The following NR2F1-AS1 variants were observed in gnomAD, a reference collection of about 807,000 sequenced individuals.
NR2F1-AS1 encodes NR2F1 regulatory antisense RNA 1.
intron 4 of NR2F1-AS1, chr5:93,543,329 T>A (rs992967313): frequency 1.3e-5 from 2 of 152,156 alleles, no homozygotes; most frequent in African/African-American, 4.8e-5. Context: ...ATTATAAAAC[T>A]ACACTTGCGT....
At chr5:93,498,319 T>C (rs1464568528) in intron 4 of NR2F1-AS1, among the ~76,000 whole-genome samples, 2 of 152,122 alleles carry the variant, frequency 1.3e-5, no homozygotes, top group Non-Finnish European at 2.9e-5. Context: ...TTGCCTTGTT[T>C]TTTCCTCTAG....
At chr5:93,524,735 G>C (rs1751575379) in intron 4 of NR2F1-AS1, among the ~76,000 whole-genome samples, 1 of 152,128 alleles carries the variant, frequency 6.6e-6, no homozygotes, top group Non-Finnish European at 1.5e-5. Flanking sequence ...TTTCAACCCA[G>C]AATTTCACAT....
At position 93,577,302 on chromosome 5, in the gene NR2F1-AS1, G is replaced by A. The variant is rs140868160; in HGVS notation, n.313+3165C>T. Among the ~76,000 whole-genome samples the A allele has an allele frequency of 5.1e-4, 78 of 152,320 alleles. 1 individual carries two copies. The East Asian group carries it at 0.013, about 26-fold the overall frequency. ...TACAGCACTTATCTCTGAGCATTTC[G>A]ACCCAAAGGTGACAAAGAAGAAATG... On this transcript the variant is annotated intron_variant and non_coding_transcript_variant, in intron 1 of 5. Transcript: ENST00000660523.
intron 4 of NR2F1-AS1, among the ~76,000 whole-genome samples, chr5:93,448,475 C>T (rs1749763330): frequency 6.6e-6 from 1 of 152,172 alleles, no homozygotes; most frequent in Admixed American, 6.5e-5. Context: ...TGTCTAGCCT[C>T]AATTGTGAGT....
At chr5:93,511,803 T>G (rs1168704121) in intron 4 of NR2F1-AS1, among the ~76,000 whole-genome samples, 1 of 152,128 alleles carries the variant, frequency 6.6e-6, no homozygotes, top group South Asian at 2.1e-4. Context: ...GAACTATGCA[T>G]GCGAGGGATC....
chr5:93,414,882 A>T (rs191330031), intron 4 of NR2F1-AS1, among the ~76,000 whole-genome samples: 1 of 152,200 alleles, frequency 6.6e-6, no homozygotes, highest in South Asian at 2.1e-4. Flanking sequence ...GCAACATGCT[A>T]CTGTGTAAGG....
chr5:93,461,640 A>G (rs1456043941), intron 4 of NR2F1-AS1, among the ~76,000 whole-genome samples: 1 of 152,202 alleles, frequency 6.6e-6, no homozygotes, highest in African/African-American at 2.4e-5. Context: ...CTGCTGTATT[A>G]CCTTCAAAGC....
At chr5:93,569,669 A>T (rs1047942895) in intron 1 of NR2F1-AS1, among the ~76,000 whole-genome samples, 37 of 152,208 alleles carry the variant, frequency 2.4e-4, no homozygotes, top group Non-Finnish European at 4.4e-5. Context: ...GCACTATAAA[A>T]GTTTCCACAG....
chr5:93,552,753 G>C (rs973246513), intron 4 of NR2F1-AS1, among the ~76,000 whole-genome samples: 1 of 150,530 alleles, frequency 6.6e-6, no homozygotes, highest in African/African-American at 2.4e-5. Context: ...GATAACTCAA[G>C]TGAAAGCAAC....
chr5:93,584,944 T>TCCCCTC (rs1753201699), upstream of NR2F1-AS1: 1 of 96,036 alleles, frequency 1.0e-5, no homozygotes, highest in Non-Finnish European at 1.6e-5. Flanking sequence ...CCCTTCCCCT[T>TCCCCTC]CCCCTCCCAG....
chr5:93,510,195 G>C (rs1042912249), intron 4 of NR2F1-AS1, among the ~76,000 whole-genome samples: 3 of 151,974 alleles, frequency 2.0e-5, no homozygotes, highest in African/African-American at 7.2e-5. Context: ...TAACTTTCTA[G>C]TACCAGTTTA....
At chr5:93,481,770 C>G (rs59862565) in intron 4 of NR2F1-AS1, among the ~76,000 whole-genome samples, 2,195 of 151,956 alleles carry the variant, frequency 0.014, 61 homozygotes, top group African/African-American at 0.05. Context: ...AGAAACTTTT[C>G]AAGTTCACAG....
chr5:93,557,161 G>T (rs1340626143), intron 2 of NR2F1-AS1, among the ~76,000 whole-genome samples: 1 of 152,124 alleles, frequency 6.6e-6, no homozygotes, highest in East Asian at 1.9e-4. Context: ...TAGATATTAG[G>T]ATAAGAGAGT....
At chr5:93,577,210 C>T (rs1157994066) in intron 1 of NR2F1-AS1, among the ~76,000 whole-genome samples, 1 of 152,240 alleles carries the variant, frequency 6.6e-6, no homozygotes, top group Non-Finnish European at 1.5e-5. Context: ...AGAAGTGCTT[C>T]CCTTATCTCT....
intron 4 of NR2F1-AS1, among the ~76,000 whole-genome samples, chr5:93,501,481 G>A (rs1229838898): frequency 6.6e-6 from 1 of 151,680 alleles, no homozygotes; most frequent in Non-Finnish European, 1.5e-5. Context: ...AGCCTCCTGA[G>A]TAGCTAGGAT....
intron 4 of NR2F1-AS1, among the ~76,000 whole-genome samples, chr5:93,533,054 T>C (rs1037187862): frequency 1.3e-5 from 2 of 152,250 alleles, no homozygotes; most frequent in African/African-American, 4.8e-5. Context: ...ACTCTAGTGT[T>C]TGTCTTAGTC....
chr5:93,507,146 T>A (rs1021673953), intron 4 of NR2F1-AS1, among the ~76,000 whole-genome samples: 1 of 152,138 alleles, frequency 6.6e-6, no homozygotes, highest in Non-Finnish European at 1.5e-5. Flanking sequence ...TCAACATCCA[T>A]ATATTATATT....
intron 4 of NR2F1-AS1, among the ~76,000 whole-genome samples, chr5:93,435,584 T>C (rs1199112993): frequency 1.3e-5 from 2 of 152,226 alleles, no homozygotes; most frequent in Non-Finnish European, 2.9e-5. Flanking sequence ...ACACTGTTCC[T>C]GCAAACTACT....
At chr5:93,482,674 T>C (rs1333524363) in intron 4 of NR2F1-AS1, among the ~76,000 whole-genome samples, 1 of 152,008 alleles carries the variant, frequency 6.6e-6, no homozygotes, top group African/African-American at 2.4e-5. Context: ...CCCAGCCCCA[T>C]GGAGCCAAGC....
Sources: gnomAD v4.1 joint callset for allele counts (sites outside exome capture counted in the v4.1 genomes callset) on GRCh38, gnomAD v4.1.1 for gene constraint, MANE v1.5 for transcripts, NCBI Gene and HGNC (gene_info 2026-07-23, HGNC 2026-07-21) for gene names.